Variants in MECOM observed in about 807,000 individuals in gnomAD.
MECOM encodes the protein histone-lysine N-methyltransferase MECOM.
MECOM carries 13 observed loss-of-function variants against 116.3 expected under a neutral mutation model. That is an observed-to-expected ratio of 0.11 (90% confidence interval 0.07 to 0.18). MECOM has a LOEUF of 0.18. MECOM is among the 10% of genes least tolerant of loss of function. The probability of loss-of-function intolerance (pLI) is 1.00; values close to 1 mark genes in which losing one functional copy is unlikely to be tolerated. For missense variants in MECOM, 1,299 were observed against 1,509.0 expected (o/e 0.86, Z 2.31); for synonymous variants, 528 against 535.2 (o/e 0.99, Z 0.19).
Position 169,339,171 on chromosome 3 carries a change from T to C in MECOM, c.375+42016A>G, listed in dbSNP as rs187785254. Among the ~76,000 whole-genome samples the C allele has an allele frequency of 3.9e-5, 6 of 152,306 alleles. No individual in the cohort carries two copies. In the East Asian group the frequency reaches 1.2e-3, roughly 29 times the overall value. On this transcript the variant is annotated intron_variant, in intron 2 of 16. Coordinates refer to ENST00000651503, the MANE Select transcript of MECOM (RefSeq NM_004991.4). The stretch of plus-strand genomic sequence containing the variant: ...TGTTAATTCCCCTCCCCTGTTTTAT[T>C]ATCTGTCTTATAACTTACCACCTTG...
rs78565623 is a variant in MECOM, at chr3:169,286,139, G to A, written c.375+95048C>T. Among the ~76,000 whole-genome samples, 18 of 152,258 alleles carry A rather than the reference G, an allele frequency of 1.2e-4. No homozygotes were observed. In the East Asian group the frequency reaches 2.9e-3, roughly 24 times the overall value. ...AATCATCCACAGTGAAATTCACTTC[G>A]AAGAAACTTCTGTGGATTTGTTTAA... On this transcript the variant is annotated intron_variant, in intron 2 of 16. Transcript: ENST00000651503.
chr3:169,410,490 T>A (rs1182714367), intron 1 of MECOM, among the ~76,000 whole-genome samples: 4 of 152,174 alleles, frequency 2.6e-5, no homozygotes, highest in Admixed American at 2.0e-4. Context: ...GGAAGGACAA[T>A]AAGAGAGGCC....
At chr3:169,575,689 G>A (rs1390478790) in intron 1 of MECOM, among the ~76,000 whole-genome samples, 1 of 152,180 alleles carries the variant, frequency 6.6e-6, no homozygotes, top group Non-Finnish European at 1.5e-5. Flanking sequence ...AAGAGAACTA[G>A]TGAAGTGGTG....
At chr3:169,286,165 C>T (rs1339980414) in intron 2 of MECOM, among the ~76,000 whole-genome samples, 1 of 152,150 alleles carries the variant, frequency 6.6e-6, no homozygotes, top group East Asian at 1.9e-4. Context: ...ATTTGTTTAA[C>T]CATAAAATGA....
At position 169,183,847 on chromosome 3, in the gene MECOM, T is replaced by TTTTTTTC. The variant is rs1266451302; in HGVS notation, c.376-40022_376-40016dup. ...ATATATATATATACACACATACATA[T>TTTTTTTC]TTTTTTCTTTTTTCTTTTTTCTCTT... On this transcript the variant is annotated intron_variant, in intron 2 of 16. Transcript: ENST00000651503. Among the ~76,000 whole-genome samples the TTTTTTTC allele has an allele frequency of 1.0e-4, 15 of 148,760 alleles. No homozygotes were observed. In the East Asian group the frequency reaches 2.8e-3, roughly 28 times the overall value.
At chr3:169,362,866 C>T (rs376379116) in intron 2 of MECOM, among the ~76,000 whole-genome samples, 2 of 151,964 alleles carry the variant, frequency 1.3e-5, no homozygotes, top group South Asian at 2.1e-4. Context: ...AAACATTAGA[C>T]CTTTTGCTTC....
chr3:169,341,836 A>G (rs761591594), intron 2 of MECOM, among the ~76,000 whole-genome samples: 34 of 152,162 alleles, frequency 2.2e-4, no homozygotes, highest in Non-Finnish European at 4.3e-4. Context: ...TTTAAAATAA[A>G]AGAGTGTAAT....
chr3:169,282,182 A>G (rs1006622593), intron 2 of MECOM, among the ~76,000 whole-genome samples: 1 of 152,212 alleles, frequency 6.6e-6, no homozygotes, highest in African/African-American at 2.4e-5. Context: ...TGTTTAAAAT[A>G]GAGTATAAGC....
chr3:169,235,815 G>A (rs1328132364), intron 2 of MECOM, among the ~76,000 whole-genome samples: 2 of 147,716 alleles, frequency 1.4e-5, no homozygotes, highest in East Asian at 2.0e-4. Context: ...TTCCCCAAAT[G>A]ACAAATAATT....
At chr3:169,531,039 C>T (rs970630500) in intron 1 of MECOM, among the ~76,000 whole-genome samples, 2 of 152,124 alleles carry the variant, frequency 1.3e-5, no homozygotes, top group African/African-American at 4.8e-5. Flanking sequence ...GATAGACAGA[C>T]CCTTTGCCTA....
intron 2 of MECOM, among the ~76,000 whole-genome samples, chr3:169,205,967 A>T (rs915204727): frequency 2.0e-5 from 3 of 152,178 alleles, no homozygotes; most frequent in African/African-American, 7.2e-5. Flanking sequence ...GTAACACTTA[A>T]CTTGCATCTT....
chr3:169,603,853 T>C (rs1424040055), intron 1 of MECOM, among the ~76,000 whole-genome samples: 1 of 152,194 alleles, frequency 6.6e-6, no homozygotes, highest in Admixed American at 6.5e-5. Flanking sequence ...CATACCCCTG[T>C]CATAACTATG....
At chr3:169,504,920 T>C (rs1755011388) in intron 1 of MECOM, among the ~76,000 whole-genome samples, 1 of 152,222 alleles carries the variant, frequency 6.6e-6, no homozygotes, top group Admixed American at 6.5e-5. Context: ...CATAGCTGGC[T>C]GATTGCATCT....
Position 169,275,454 on chromosome 3 carries a change from T to C in MECOM, c.375+105733A>G, listed in dbSNP as rs566085217. 5.5e-4 allele frequency among the ~76,000 whole-genome samples: 84 copies of C among 152,342 alleles called. No individual in the cohort carries two copies. The Middle Eastern group carries it at 0.01, about 19-fold the overall frequency. ...GTCTGTTTTTGGAAGGTCTCCTGCC[T>C]AGGGCGTTTAAAGTATGCTATATCT... On this transcript the variant is annotated intron_variant, in intron 2 of 16. Coordinates refer to ENST00000651503, the MANE Select transcript of MECOM (RefSeq NM_004991.4).
intron 4 of MECOM, among the ~76,000 whole-genome samples, chr3:169,131,189 G>A (rs1361410347): frequency 6.6e-6 from 1 of 152,116 alleles, no homozygotes; most frequent in Non-Finnish European, 1.5e-5. Flanking sequence ...GAGGTTCTGC[G>A]CAAATGCTCA....
chr3:169,466,508 A>G (rs1474640684), intron 1 of MECOM, among the ~76,000 whole-genome samples: 1 of 152,182 alleles, frequency 6.6e-6, no homozygotes, highest in Non-Finnish European at 1.5e-5. Context: ...GAGGGTCATT[A>G]ATTTCATCAT....
chr3:169,218,751 G>A (rs1751734429), intron 2 of MECOM, among the ~76,000 whole-genome samples: 1 of 152,088 alleles, frequency 6.6e-6, no homozygotes, highest in Non-Finnish European at 1.5e-5. Context: ...GCATCAAAAA[G>A]CCTACTACTG....
intron 9 of MECOM, 64 bp from the exon 10 acceptor site, chr3:169,108,016 A>C: frequency 7.3e-7 from 1 of 1,363,538 alleles, no homozygotes; most frequent in Non-Finnish European, 1.0e-6. Flanking sequence ...ATTGCAATCT[A>C]TCCTTTGAGA....
intron 1 of MECOM, among the ~76,000 whole-genome samples, chr3:169,408,972 T>C (rs1186228610): frequency 6.6e-6 from 1 of 152,182 alleles, no homozygotes; most frequent in Admixed American, 6.5e-5. Context: ...TTAAGAAATG[T>C]GGAGATGCCA....
Sources: gnomAD v4.1 joint callset for allele counts (sites outside exome capture counted in the v4.1 genomes callset) on GRCh38, gnomAD v4.1.1 for gene constraint, MANE v1.5 for transcripts, NCBI Gene and HGNC (gene_info 2026-07-23, HGNC 2026-07-21) for gene names.